KHDRBS2: variants seen among roughly 807,000 people sequenced by gnomAD.
KHDRBS2 encodes KH domain-containing, RNA-binding, signal transduction-associated protein 2.
KHDRBS2 carries 26 observed loss-of-function variants against 44.3 expected under a neutral mutation model. The ratio of observed to expected loss-of-function variants is 0.59; its 90% CI spans 0.43 to 0.81. KHDRBS2 has a LOEUF of 0.81. Ranked by LOEUF, KHDRBS2 falls within the 40% of genes least tolerant of loss-of-function variation. The probability of loss-of-function intolerance (pLI) is 0.00; values close to 1 mark genes in which losing one functional copy is unlikely to be tolerated. For synonymous variants in KHDRBS2, 194 were observed against 151.1 expected, an observed-to-expected ratio of 1.28 and a Z score of -2.08; for missense variants, 476 against 433.1, an observed-to-expected ratio of 1.10 and a Z score of -0.88.
Position 62,117,927 on chromosome 6 carries a change from C to T in KHDRBS2, c.219+59258G>A, listed in dbSNP as rs187511057. On this transcript the variant is annotated intron_variant, in intron 2 of 8. Coordinates refer to ENST00000281156, the MANE Select transcript of KHDRBS2 (RefSeq NM_152688.4). ...AGTAGCTTGGATTACAGGTGCCCAC[C>T]ACTACACCTGGCTAATTTTTGTATT... 1.5e-3 allele frequency among the ~76,000 whole-genome samples: 222 copies of T among 152,116 alleles called. 3 individuals carry two copies. The highest frequency in any genetic ancestry group is 8.8e-5 in the Non-Finnish European group (6 of 67,976).
chr6:61,699,444 C>A (rs1768316294), intron 7 of KHDRBS2, among the ~76,000 whole-genome samples: 1 of 151,810 alleles, frequency 6.6e-6, no homozygotes. Context: ...TATAAGTTAC[C>A]TCAAGGTCAG....
the KHDRBS2 span, among the ~76,000 whole-genome samples, chr6:61,651,287 T>C: frequency 1.3e-5 from 2 of 152,088 alleles, no homozygotes; most frequent in African/African-American, 4.8e-5. Flanking sequence ...TTTGGAATAT[T>C]TGCTATAATA....
At chr6:61,602,079 G>A in the KHDRBS2 span, among the ~76,000 whole-genome samples, 4 of 152,082 alleles carry the variant, frequency 2.6e-5, no homozygotes, top group African/African-American at 9.7e-5. Flanking sequence ...AAGGTCAAAA[G>A]GCCGTCTTAT....
chr6:61,966,474 T>C (rs1173816042), intron 4 of KHDRBS2, among the ~76,000 whole-genome samples: 1 of 152,028 alleles, frequency 6.6e-6, no homozygotes. Flanking sequence ...TGGACCTCTG[T>C]TGTCCAGGGG....
chr6:61,782,730 TATATATATAC>T (rs1360932982), intron 6 of KHDRBS2, among the ~76,000 whole-genome samples: 3 of 86,018 alleles, frequency 3.5e-5, no homozygotes, highest in Non-Finnish European at 4.9e-5. Context: ...TATATATATA[TATATATATAC>T]ACACACACAT....
At chr6:61,580,865 T>A in the KHDRBS2 span, among the ~76,000 whole-genome samples, 1 of 152,180 alleles carries the variant, frequency 6.6e-6, no homozygotes, top group African/African-American at 2.4e-5. Context: ...GTCCATGGCT[T>A]CCTTCTTGAA....
chr6:61,719,216 T>G (rs1771946005), intron 7 of KHDRBS2, among the ~76,000 whole-genome samples: 1 of 152,186 alleles, frequency 6.6e-6, no homozygotes, highest in Non-Finnish European at 1.5e-5. Flanking sequence ...TTTTTAACAT[T>G]TCACATCCAA....
intron 4 of KHDRBS2, among the ~76,000 whole-genome samples, chr6:61,948,217 C>T (rs1049996525): frequency 2.0e-5 from 3 of 151,874 alleles, no homozygotes; most frequent in African/African-American, 7.3e-5. Flanking sequence ...AAAATCAGAA[C>T]ATTTGTACAG....
At chr6:61,829,315 C>T (rs1791423515) in intron 6 of KHDRBS2, among the ~76,000 whole-genome samples, 2 of 152,106 alleles carry the variant, frequency 1.3e-5, no homozygotes, top group African/African-American at 4.8e-5. Context: ...GCGCCCACCG[C>T]CACGCTCAGC....
In KHDRBS2 at chr6:61,769,482, A is replaced by T. The variant is rs139903567; in HGVS notation, c.811-36718T>A. Among the ~76,000 whole-genome samples the T allele has an allele frequency of 1.3e-3, 204 of 152,260 alleles. 2 individuals carry two copies. The East Asian group carries it at 0.022, about 16-fold the overall frequency. The stretch of plus-strand genomic sequence containing the variant: ...CCACCCTAATACTGCGCTTTTCCAA[A>T]GGGCTTAAAAAACGGCACACCAGGA... On this transcript the variant is annotated intron_variant, in intron 6 of 8. Coordinates refer to ENST00000281156, the MANE Select transcript of KHDRBS2 (RefSeq NM_152688.4).
chr6:61,773,111 G>A (rs1781267596), intron 6 of KHDRBS2, among the ~76,000 whole-genome samples: 1 of 152,114 alleles, frequency 6.6e-6, no homozygotes, highest in Non-Finnish European at 1.5e-5. Context: ...ACGTGTGCAT[G>A]TGTCTTTATA....
chr6:62,073,613 T>C (rs1417607835), intron 2 of KHDRBS2, among the ~76,000 whole-genome samples: 1 of 151,358 alleles, frequency 6.6e-6, no homozygotes, highest in Admixed American at 6.6e-5. Context: ...GGTTCTAGTT[T>C]ATTTTTTCGA....
At chr6:61,938,130 A>G (rs1583606871) in intron 4 of KHDRBS2, among the ~76,000 whole-genome samples, 1 of 152,098 alleles carries the variant, frequency 6.6e-6, no homozygotes, top group African/African-American at 2.4e-5. Context: ...ATATAAATAT[A>G]AATATAAGTC....
At chr6:61,797,445 G>GA (rs1785526593) in intron 6 of KHDRBS2, among the ~76,000 whole-genome samples, 1 of 152,072 alleles carries the variant, frequency 6.6e-6, no homozygotes, top group African/African-American at 2.4e-5. Context: ...CTGGCTACAA[G>GA]AAAAAATGAT....
intron 1 of KHDRBS2, among the ~76,000 whole-genome samples, chr6:62,187,406 C>T (rs1249431197): frequency 6.6e-6 from 1 of 152,108 alleles, no homozygotes; most frequent in African/African-American, 2.4e-5. Context: ...ATCCCAGAAA[C>T]TGAACACTGT....
intron 1 of KHDRBS2, among the ~76,000 whole-genome samples, chr6:62,239,488 G>T (rs138586878): frequency 6.6e-6 from 1 of 151,922 alleles, no homozygotes; most frequent in Admixed American, 6.6e-5. Context: ...CAGAAGAATC[G>T]CCTGAACCCT....
intron 2 of KHDRBS2, among the ~76,000 whole-genome samples, chr6:62,079,956 C>A (rs1797081945): frequency 3.3e-5 from 5 of 152,070 alleles, no homozygotes; most frequent in Admixed American, 2.6e-4. Context: ...CACATTTGAC[C>A]ATGAGTTTTC....
intron 2 of KHDRBS2, among the ~76,000 whole-genome samples, chr6:62,059,689 G>C (rs1328452092): frequency 1.3e-5 from 2 of 151,664 alleles, no homozygotes; most frequent in Non-Finnish European, 1.5e-5. Context: ...AATCATGTAT[G>C]GGTAGACCTT....
chr6:61,891,182 A>G (rs1801769663), intron 6 of KHDRBS2, among the ~76,000 whole-genome samples: 1 of 152,222 alleles, frequency 6.6e-6, no homozygotes, highest in African/African-American at 2.4e-5. Flanking sequence ...GAATGAAACA[A>G]ATACCTAGAT....
Sources: allele counts gnomAD v4.1 joint callset (sites outside exome capture counted in the v4.1 genomes callset), GRCh38; gene constraint gnomAD v4.1.1; transcripts MANE v1.5; gene names NCBI Gene and HGNC (gene_info 2026-07-23, HGNC 2026-07-21).